The following PTPRN2 variants were observed in gnomAD, a reference collection of about 807,000 sequenced individuals.
The protein encoded by PTPRN2 is receptor-type tyrosine-protein phosphatase N2.
In PTPRN2, 74 loss-of-function variants were observed where a neutral mutation model predicts 118.8. The observed-to-expected ratio is 0.62, with a 90% CI of 0.52 to 0.76. PTPRN2 has a LOEUF of 0.76. PTPRN2 is among the 30% of genes least tolerant of loss of function. The pLI is 0.00. For synonymous variants in PTPRN2, 641 were observed against 608.0 expected (o/e 1.05, Z -0.80); for missense variants, 1,481 against 1,394.4 (o/e 1.06, Z -0.99).
chr7:158,484,400 T>C (rs186480568), intron 2 of PTPRN2, among the ~76,000 whole-genome samples: 1 of 152,332 alleles, frequency 6.6e-6, no homozygotes, highest in African/African-American at 2.4e-5. Flanking sequence ...TCTCACTCTG[T>C]TGCTCAGACT....
chr7:157,947,749 T>C (rs6954926), intron 11 of PTPRN2, among the ~76,000 whole-genome samples: 79,538 of 152,130 alleles, frequency 0.52, 21,678 homozygotes, highest in African/African-American at 0.66. Context: ...AAGAGATCCA[T>C]GCTGACATAT....
chr7:157,988,741 T>G (rs1309782126), intron 11 of PTPRN2, among the ~76,000 whole-genome samples: 1 of 152,138 alleles, frequency 6.6e-6, no homozygotes, highest in African/African-American at 2.4e-5. Flanking sequence ...AAAAACCACC[T>G]ACAAGAAAGG....
intron 10 of PTPRN2, among the ~76,000 whole-genome samples, chr7:158,088,258 A>AC (rs1445867461): frequency 2.8e-5 from 1 of 35,610 alleles, no homozygotes; most frequent in African/African-American, 4.9e-5. Context: ...GTCTTCACAC[A>AC]AACCTTCTTC....
chr7:158,329,252 G>A (rs1803925631), intron 2 of PTPRN2, among the ~76,000 whole-genome samples: 1 of 152,194 alleles, frequency 6.6e-6, no homozygotes, highest in Non-Finnish European at 1.5e-5. Context: ...AGCAGGCTAG[G>A]AGGGGAGGAC....
intron 9 of PTPRN2, among the ~76,000 whole-genome samples, chr7:158,117,612 T>A (rs1203439206): frequency 2.0e-5 from 3 of 152,186 alleles, no homozygotes; most frequent in African/African-American, 7.2e-5. Context: ...GAGACACATT[T>A]TAACTAAATT....
chr7:158,449,784 C>T (rs1043321259), intron 2 of PTPRN2, among the ~76,000 whole-genome samples: 1 of 152,250 alleles, frequency 6.6e-6, no homozygotes, highest in Admixed American at 6.5e-5. Context: ...TTAGTTCATT[C>T]ACAATCGCAT....
At chr7:157,561,113 G>A (rs1270262166) in intron 21 of PTPRN2, among the ~76,000 whole-genome samples, 1 of 151,632 alleles carries the variant, frequency 6.6e-6, no homozygotes, top group Non-Finnish European at 1.5e-5. Flanking sequence ...ATCTGGTTCT[G>A]CACTGCCCAG....
At chr7:158,435,892 GA>G (rs1563289653) in intron 2 of PTPRN2, among the ~76,000 whole-genome samples, 1 of 152,206 alleles carries the variant, frequency 6.6e-6, no homozygotes, top group Non-Finnish European at 1.5e-5. Flanking sequence ...GACCCAGAGA[GA>G]AGAATGGTGG....
intron 1 of PTPRN2, among the ~76,000 whole-genome samples, chr7:158,548,331 A>C (rs1358421403): frequency 6.6e-6 from 1 of 152,194 alleles, no homozygotes; most frequent in Non-Finnish European, 1.5e-5. Context: ...ATGTTAGCAG[A>C]TGCAGTCCAT....
chr7:158,340,518 C>G (rs1340902875), intron 2 of PTPRN2, among the ~76,000 whole-genome samples: 2 of 128,408 alleles, frequency 1.6e-5, no homozygotes, highest in Non-Finnish European at 3.4e-5. Context: ...CTCACACCCA[C>G]ATTCTCACCA....
intron 14 of PTPRN2, among the ~76,000 whole-genome samples, chr7:157,653,808 A>C (rs1585178745): frequency 6.7e-6 from 1 of 148,858 alleles, no homozygotes; most frequent in African/African-American, 2.5e-5. Flanking sequence ...GCTGCTCCCC[A>C]CACCCACCCC....
intron 11 of PTPRN2, among the ~76,000 whole-genome samples, chr7:158,071,086 C>G (rs1328379432): frequency 2.0e-5 from 1 of 51,196 alleles, no homozygotes; most frequent in African/African-American, 1.3e-4. Flanking sequence ...TGGAGGTGCC[C>G]GTGGTGGTGG....
chr7:157,739,449 C>T (rs1299493602), intron 12 of PTPRN2: 3 of 152,210 alleles, frequency 2.0e-5, no homozygotes, highest in African/African-American at 4.8e-5. Flanking sequence ...GTAGCTTATT[C>T]GTCTATGAGG....
intron 2 of PTPRN2, among the ~76,000 whole-genome samples, chr7:158,363,297 G>A (rs1233228447): frequency 1.3e-5 from 2 of 152,200 alleles, no homozygotes; most frequent in East Asian, 3.9e-4. Context: ...GGACGCTCAG[G>A]TGCTCGCAGA....
chr7:157,988,504 C>A (rs1187481118), intron 11 of PTPRN2, among the ~76,000 whole-genome samples: 5 of 152,196 alleles, frequency 3.3e-5, no homozygotes, highest in Non-Finnish European at 7.3e-5. Flanking sequence ...CCAAACACAC[C>A]AAACGCATTC....
At chr7:158,386,148 T>A (rs1470141981) in intron 2 of PTPRN2, among the ~76,000 whole-genome samples, 1 of 136,032 alleles carries the variant, frequency 7.4e-6, no homozygotes, top group Non-Finnish European at 1.5e-5. Flanking sequence ...AAGTCCCTCC[T>A]CCCATGCCCT....
chr7:158,258,472 C>G (rs1797175128), intron 3 of PTPRN2, among the ~76,000 whole-genome samples: 1 of 152,250 alleles, frequency 6.6e-6, no homozygotes, highest in African/African-American at 2.4e-5. Flanking sequence ...GTACGCACTC[C>G]ATGTGCATGT....
At chr7:157,804,401 C>T (rs899807725) in intron 12 of PTPRN2, among the ~76,000 whole-genome samples, 1 of 152,188 alleles carries the variant, frequency 6.6e-6, no homozygotes, top group African/African-American at 2.4e-5. Flanking sequence ...TATGTCAGAC[C>T]AAGTTCTAGG....
chr7:158,053,528 C>A (rs942615748), intron 11 of PTPRN2, among the ~76,000 whole-genome samples: 1 of 152,120 alleles, frequency 6.6e-6, no homozygotes, highest in African/African-American at 2.4e-5. Flanking sequence ...TGAAGAGGAA[C>A]GAATGGTATG....
Sources: gnomAD v4.1 joint callset for allele counts (sites outside exome capture counted in the v4.1 genomes callset) on GRCh38, gnomAD v4.1.1 for gene constraint, MANE v1.5 for transcripts, NCBI Gene and HGNC (gene_info 2026-07-23, HGNC 2026-07-21) for gene names.